CHEK2: variants seen among roughly 807,000 people sequenced by gnomAD.
CHEK2 encodes the protein checkpoint kinase 2, also known as serine/threonine-protein kinase Chk2.
Under a neutral mutation model 69.1 loss-of-function variants are expected in CHEK2, and 71 were observed. That is an observed-to-expected ratio of 1.03 (90% CI 0.85 to 1.25). CHEK2 has a LOEUF of 1.25. Ranked by LOEUF, CHEK2 falls within the 50% of genes most tolerant of loss-of-function variation. The pLI is 0.00. For synonymous variants in CHEK2, 189 were observed against 226.9 expected, an observed-to-expected ratio of 0.83 and a Z score of 1.50; for missense variants, 664 against 649.6, an observed-to-expected ratio of 1.02 and a Z score of -0.24.
At chr22:28,704,867 C>T (rs910258837) in intron 7 of CHEK2, among the ~76,000 whole-genome samples, 1 of 152,098 alleles carries the variant, frequency 6.6e-6, no homozygotes, top group African/African-American at 2.4e-5. Flanking sequence ...ATTCATCACT[C>T]ATCACTCTGA....
chr22:28,728,327 A>G (rs546930144), intron 2 of CHEK2, among the ~76,000 whole-genome samples: 1 of 152,352 alleles, frequency 6.6e-6, no homozygotes, highest in East Asian at 1.9e-4. Flanking sequence ...ACAGTATTAG[A>G]TGACATAGGT....
At chr22:28,699,566 T>A (rs1487478589) in intron 9 of CHEK2, among the ~76,000 whole-genome samples, 1 of 152,022 alleles carries the variant, frequency 6.6e-6, no homozygotes, top group Non-Finnish European at 1.5e-5. Context: ...GGTTTCACTA[T>A]GTTGGTCAGG....
chr22:28,725,241 A>C lies in CHEK2; in HGVS notation c.444+2T>G, dbSNP rs560596101. The C allele has an allele frequency of 6.2e-7, 1 of 1,614,106 alleles. No homozygotes were observed. Among genetic ancestry groups the C allele is most frequent in the Admixed American group, 1.7e-5 (1 of 60,000 alleles). ...CTAGATACATGGGTATTCATTACCT[A>C]CCCTGAAAATCCGAAAGTGTTTCTT... On this transcript the variant is annotated splice_donor_variant, in intron 3 of 14. Coordinates refer to ENST00000404276, the MANE Select transcript of CHEK2 (RefSeq NM_007194.4). LOFTEE classifies it high-confidence loss of function.
intron 2 of CHEK2, among the ~76,000 whole-genome samples, chr22:28,733,621 G>A (rs945360109): frequency 1.3e-5 from 2 of 152,052 alleles, no homozygotes; most frequent in African/African-American, 4.8e-5. Flanking sequence ...GCCAATTCAC[G>A]CAAACTTCCT....
intron 9 of CHEK2, among the ~76,000 whole-genome samples, chr22:28,699,299 G>A (rs1184574158): frequency 6.6e-6 from 1 of 151,480 alleles, no homozygotes; most frequent in Non-Finnish European, 1.5e-5. Context: ...CACTATGCCT[G>A]GTCTATTTAT....
intron 8 of CHEK2, among the ~76,000 whole-genome samples, chr22:28,701,662 G>A (rs1174567404): frequency 1.3e-5 from 2 of 152,142 alleles, no homozygotes; most frequent in African/African-American, 4.8e-5. Flanking sequence ...CCAGAAATGA[G>A]ACAGGAAGTT....
intron 1 of CHEK2, among the ~76,000 whole-genome samples, chr22:28,736,805 T>C (rs2054424205): frequency 9.8e-6 from 1 of 102,130 alleles, no homozygotes; most frequent in Non-Finnish European, 1.8e-5. Flanking sequence ...AAATTAGACA[T>C]GATGGCATGC....
intron 12 of CHEK2, among the ~76,000 whole-genome samples, chr22:28,694,516 C>T (rs1442988354): frequency 6.6e-6 from 1 of 152,180 alleles, no homozygotes; most frequent in Non-Finnish European, 1.5e-5. Flanking sequence ...CCTGGAACTG[C>T]AGACTTGTCA....
chr22:28,697,083 C>T, intron 9 of CHEK2, 96 bp from the exon 10 acceptor site: 1 of 782,584 alleles, frequency 1.3e-6, no homozygotes, highest in Non-Finnish European at 2.3e-6. Context: ...CTGGGTGAAA[C>T]CGTAAGCCGT....
intron 1 of CHEK2, among the ~76,000 whole-genome samples, chr22:28,737,041 G>A (rs9625547): frequency 0.042 from 6,359 of 152,136 alleles, 150 homozygotes; most frequent in South Asian, 0.056. Flanking sequence ...AAAAAAAAGG[G>A]AGGGAGAGGA....
rs876658374 is a variant in CHEK2, at chr22:28,725,255, A to G, written c.432T>C (p.Phe144=). 7 of 1,614,034 alleles carry G rather than the reference A, an allele frequency of 4.3e-6. No homozygotes were observed. Among genetic ancestry groups the G allele is most frequent in the South Asian group, 1.1e-5 (1 of 91,092 alleles). ...DKYRTYSKKH[F]RIFREVGPKN... is the part of the protein sequence containing the mutation. ...ATTCATTACCTACCCTGAAAATCCG[A>G]AAGTGTTTCTTGCTGTATGTTCGGT... The change falls in exon 3 of 15, where the codon TTT becomes TTC. Residue 144 remains phenylalanine, a synonymous_variant. Transcript: ENST00000404276.
At chr22:28,694,248 G>C in intron 12 of CHEK2, 131 bp from the exon 13 acceptor site, 2 of 713,392 alleles carry the variant, frequency 2.8e-6, no homozygotes, top group Non-Finnish European at 5.1e-6. Flanking sequence ...CAGCAGACAG[G>C]GCCCCCTAAT....
rs142393301 is a variant in CHEK2 at position 28,724,145 on chromosome 22, C to T, written c.592+832G>A. Among the ~76,000 whole-genome samples, 51 of 152,260 alleles carry T rather than the reference C, an allele frequency of 3.3e-4. No individual in the cohort carries two copies. In the East Asian group the frequency reaches 7.0e-3, roughly 21 times the overall value. On this transcript the variant is annotated intron_variant, in intron 4 of 14. Coordinates refer to ENST00000404276, the MANE Select transcript of CHEK2 (RefSeq NM_007194.4). The stretch of plus-strand genomic sequence containing the variant: ...AGTATATGGGCCAGGCGGGGGCTCA[C>T]GCCTGTAATCCCAGCACTTTGGGAG...
At chr22:28,732,181 G>A (rs2054238858) in intron 2 of CHEK2, among the ~76,000 whole-genome samples, 1 of 151,662 alleles carries the variant, frequency 6.6e-6, no homozygotes, top group Admixed American at 6.6e-5. Flanking sequence ...GCGAGATCTC[G>A]GTTCACTGCA....
intron 5 of CHEK2, among the ~76,000 whole-genome samples, chr22:28,714,742 T>C (rs539472632): frequency 6.6e-6 from 1 of 152,346 alleles, no homozygotes; most frequent in African/African-American, 2.4e-5. Context: ...GTCCCTATGC[T>C]TTCCTCCCAG....
intron 12 of CHEK2, among the ~76,000 whole-genome samples, chr22:28,694,877 TAC>T (rs1323908985): frequency 1.3e-5 from 2 of 152,178 alleles, no homozygotes; most frequent in Non-Finnish European, 2.9e-5. Context: ...AGGGTCCCTT[TAC>T]ACAGAAAGAA....
intron 2 of CHEK2, among the ~76,000 whole-genome samples, chr22:28,726,782 T>TTAGCATAAAATCTGCA (rs2054027120): frequency 1.4e-5 from 2 of 142,618 alleles, no homozygotes; most frequent in Admixed American, 7.5e-5. Flanking sequence ...AAATCTGCAC[T>TTAGCATAAAATCTGCA]CTTCCTCATG....
At chr22:28,694,155 A>G (rs780081853) in intron 12 of CHEK2, 38 bp from the exon 13 acceptor site, 1 of 1,346,454 alleles carries the variant, frequency 7.4e-7, no homozygotes, top group Admixed American at 1.7e-5. Context: ...TGAAAAGGAT[A>G]AATATATTAT....
chr22:28,702,121 T>TTGTG (rs1220287391), intron 8 of CHEK2, among the ~76,000 whole-genome samples: 13 of 66,270 alleles, frequency 2.0e-4, no homozygotes, highest in East Asian at 1.1e-3. Context: ...CCGGCTAATT[T>TTGTG]TGTGTGTGTG....
Sources: allele counts gnomAD v4.1 joint callset (sites outside exome capture counted in the v4.1 genomes callset), GRCh38; gene constraint gnomAD v4.1.1; transcripts MANE v1.5; gene names NCBI Gene and HGNC (gene_info 2026-07-23, HGNC 2026-07-21).